Variants in CSMD3 observed in about 807,000 individuals in gnomAD.
CSMD3 encodes CUB and Sushi multiple domains 3, also known as CUB and sushi domain-containing protein 3.
Under a neutral mutation model 435.2 loss-of-function variants are expected in CSMD3, and 177 were observed. That is an observed-to-expected ratio of 0.41 (90% CI 0.36 to 0.46). CSMD3 has a LOEUF of 0.46. Ranked by LOEUF, CSMD3 falls within the 20% of genes least tolerant of loss-of-function variation. The pLI is 0.34. For synonymous variants in CSMD3, 1,656 were observed against 1,520.5 expected (o/e 1.09, Z -2.07); for missense variants, 4,265 against 4,504.6 (o/e 0.95, Z 1.52).
At chr8:112,483,231 A>C (rs766720518) in intron 31 of CSMD3, among the ~76,000 whole-genome samples, 3 of 152,154 alleles carry the variant, frequency 2.0e-5, no homozygotes, top group African/African-American at 7.2e-5. Context: ...TGGCTCACGC[A>C]CATAATCCTA....
chr8:113,285,280 GAC>G (rs2093638043), intron 2 of CSMD3, among the ~76,000 whole-genome samples: 1 of 53,986 alleles, frequency 1.9e-5, no homozygotes. Context: ...TTTTTTTTTT[GAC>G]AGAGTCTAGC....
chr8:112,505,535 G>A (rs975503073), intron 29 of CSMD3, among the ~76,000 whole-genome samples: 5 of 152,018 alleles, frequency 3.3e-5, no homozygotes, highest in Non-Finnish European at 7.4e-5. Flanking sequence ...AAGGCTGAAA[G>A]CTTATTTAAC....
intron 45 of CSMD3, among the ~76,000 whole-genome samples, chr8:112,323,431 A>T (rs976704884): frequency 6.6e-6 from 1 of 152,092 alleles, no homozygotes; most frequent in African/African-American, 2.4e-5. Context: ...GGAACCTAAA[A>T]ATGTTATTTG....
chr8:112,911,499 T>A (rs2082410581), intron 10 of CSMD3, among the ~76,000 whole-genome samples: 1 of 151,682 alleles, frequency 6.6e-6, no homozygotes, highest in Non-Finnish European at 1.5e-5. Flanking sequence ...GTAAGTGAGA[T>A]CATACAATGT....
chr8:113,248,275 C>T (rs1010308504), intron 3 of CSMD3, among the ~76,000 whole-genome samples: 1 of 151,052 alleles, frequency 6.6e-6, no homozygotes, highest in African/African-American at 2.4e-5. Context: ...CTTACGTGTA[C>T]CATTTTTCAA....
rs558471150 is a variant in CSMD3 at position 112,281,251 on chromosome 8, C to T, written c.9431G>A (p.Gly3144Glu). The T allele has an allele frequency of 1.1e-5, 17 of 1,612,308 alleles. No homozygotes were observed. In the Middle Eastern group the frequency reaches 8.3e-4, roughly 78 times the overall value. ...SSSVIYSCME[G>E]YILSGPSVRQ... ...AACTGAAGGTCCAGAAAGGATGTAT[C>T]CCTCCATGCAGGAATAAATGACTGA... is the stretch of plus-strand genomic sequence containing the variant. Residue 3144 changes from glycine to glutamate, a missense_variant, in exon 59 of 71, where the codon GGA becomes GAA. Transcript: ENST00000297405.
intron 1 of CSMD3, among the ~76,000 whole-genome samples, chr8:113,324,474 T>C (rs72670762): frequency 0.1 from 15,838 of 152,154 alleles, 965 homozygotes; most frequent in Middle Eastern, 0.17. Flanking sequence ...CTCCAAGCCT[T>C]GGCAGCTTCC....
At chr8:112,756,710 T>G (rs2077707120) in intron 13 of CSMD3, among the ~76,000 whole-genome samples, 1 of 152,138 alleles carries the variant, frequency 6.6e-6, no homozygotes, top group Non-Finnish European at 1.5e-5. Context: ...TGTTATGGAT[T>G]GAGGAAAGAG....
intron 13 of CSMD3, among the ~76,000 whole-genome samples, chr8:112,690,976 C>G (rs1024574414): frequency 6.6e-6 from 1 of 152,052 alleles, no homozygotes; most frequent in African/African-American, 2.4e-5. Context: ...CCGTTATCCA[C>G]TAGCATCGAT....
intron 1 of CSMD3, among the ~76,000 whole-genome samples, chr8:113,436,026 T>G (rs540477604): frequency 4.6e-5 from 7 of 152,242 alleles, no homozygotes; most frequent in African/African-American, 1.7e-4. Context: ...ATTCATCCCT[T>G]AAGGTGGTTC....
At chr8:112,287,317 G>T (rs1366353050) in intron 57 of CSMD3, 71 bp from the exon 58 acceptor site, 7 of 1,447,802 alleles carry the variant, frequency 4.8e-6, no homozygotes, top group African/African-American at 1.4e-5. Context: ...TAGTCCAAGG[G>T]CCTGGTAGGC....
At chr8:113,053,819 C>T (rs1234235077) in intron 5 of CSMD3, among the ~76,000 whole-genome samples, 2 of 151,992 alleles carry the variant, frequency 1.3e-5, no homozygotes, top group African/African-American at 4.8e-5. Flanking sequence ...AGCATACATG[C>T]AATGGTTTCT....
chr8:113,306,639 C>A (rs1022965053), intron 2 of CSMD3, among the ~76,000 whole-genome samples: 1 of 152,076 alleles, frequency 6.6e-6, no homozygotes, highest in Non-Finnish European at 1.5e-5. Flanking sequence ...TTAGGAAGTT[C>A]TATGGGACAT....
intron 31 of CSMD3, among the ~76,000 whole-genome samples, chr8:112,490,694 T>C (rs1820602761): frequency 6.6e-6 from 1 of 152,178 alleles, no homozygotes; most frequent in Non-Finnish European, 1.5e-5. Flanking sequence ...TCAGAAATTT[T>C]CTATAGTTTC....
At chr8:113,085,023 A>C (rs1316654918) in intron 5 of CSMD3, among the ~76,000 whole-genome samples, 1 of 152,128 alleles carries the variant, frequency 6.6e-6, no homozygotes, top group Non-Finnish European at 1.5e-5. Flanking sequence ...TACTAGAAGA[A>C]TGCATACGAA....
chr8:113,235,478 C>A (rs1373926097), intron 3 of CSMD3, among the ~76,000 whole-genome samples: 2 of 151,974 alleles, frequency 1.3e-5, no homozygotes, highest in African/African-American at 2.4e-5. Flanking sequence ...CATATTGTGT[C>A]CCCCACTTTG....
intron 7 of CSMD3, among the ~76,000 whole-genome samples, chr8:112,961,634 G>T (rs2084233614): frequency 6.6e-6 from 1 of 151,894 alleles, no homozygotes; most frequent in Admixed American, 6.6e-5. Context: ...GAGACACTGT[G>T]TTTTAATAAA....
intron 3 of CSMD3, among the ~76,000 whole-genome samples, chr8:113,234,662 C>A (rs186347181): frequency 2.8e-4 from 43 of 152,190 alleles, no homozygotes; most frequent in African/African-American, 1.0e-3. Flanking sequence ...GATGATGTTT[C>A]TTTTAATAAC....
chr8:112,420,340 G>A (rs138856306), intron 32 of CSMD3, among the ~76,000 whole-genome samples: 114 of 152,172 alleles, frequency 7.5e-4, no homozygotes, highest in South Asian at 1.5e-3. Context: ...TTCCATAAAT[G>A]CTTTGGTATT....
Sources: allele counts gnomAD v4.1 joint callset (sites outside exome capture counted in the v4.1 genomes callset), GRCh38; gene constraint gnomAD v4.1.1; transcripts MANE v1.5; gene names NCBI Gene and HGNC (gene_info 2026-07-23, HGNC 2026-07-21).